RNLS: variants seen among roughly 807,000 people sequenced by gnomAD.
The protein encoded by RNLS is renalase.
In RNLS, 39 loss-of-function variants were observed where a neutral mutation model predicts 39.8. The observed-to-expected ratio is 0.98, with a 90% CI of 0.76 to 1.28. The LOEUF is 1.28. Ranked by LOEUF, RNLS falls within the 50% of genes most tolerant of loss-of-function variation. The pLI is 0.00. For missense variants in RNLS, 410 were observed against 413.3 expected (o/e 0.99, Z 0.07); for synonymous variants, 147 against 150.7 (o/e 0.98, Z 0.18).
intron 4 of RNLS, among the ~76,000 whole-genome samples, chr10:88,537,835 C>T (rs1210640802): frequency 6.6e-6 from 1 of 151,992 alleles, no homozygotes; most frequent in Non-Finnish European, 1.5e-5. Flanking sequence ...AAGATGTGTA[C>T]TTAATATGGT....
intron 5 of RNLS, among the ~76,000 whole-genome samples, chr10:88,346,932 T>G (rs1256879878): frequency 6.6e-6 from 1 of 152,172 alleles, no homozygotes; most frequent in Admixed American, 6.6e-5. Context: ...TTTAGACTGA[T>G]CTGAAGAGGA....
chr10:88,253,722 C>T, the RNLS span, among the ~76,000 whole-genome samples: 1 of 152,188 alleles, frequency 6.6e-6, no homozygotes, highest in African/African-American at 2.4e-5. Flanking sequence ...TCCAGGAAGA[C>T]AGGGTCTTAG....
chr10:88,471,967 C>G (rs1488614021), intron 4 of RNLS, among the ~76,000 whole-genome samples: 3 of 152,110 alleles, frequency 2.0e-5, no homozygotes, highest in Non-Finnish European at 4.4e-5. Flanking sequence ...AAAGTCTTCA[C>G]CATAAATCAC....
At chr10:88,365,538 C>T (rs1564734728) in intron 4 of RNLS, among the ~76,000 whole-genome samples, 2 of 146,190 alleles carry the variant, frequency 1.4e-5, no homozygotes, top group African/African-American at 2.7e-5. Context: ...CACACACACA[C>T]ACACACACAC....
At chr10:88,354,912 T>C (rs1308662928) in intron 5 of RNLS, among the ~76,000 whole-genome samples, 1 of 152,188 alleles carries the variant, frequency 6.6e-6, no homozygotes, top group African/African-American at 2.4e-5. Context: ...TTTGTTTGTT[T>C]CTATTTATTC....
chr10:88,343,506 C>CAT lies in RNLS; in HGVS notation c.700+19044_700+19045dup, dbSNP rs1024418555. ...GTGATGAACGTAAGTTTGATCTTAA[C>CAT]ATATATATATATTTTCCAAAAACAA... On this transcript the variant is annotated intron_variant, in intron 5 of 6. Transcript: ENST00000331772. The CAT allele has an allele frequency of 1.5e-4, 143 of 939,598 alleles. No individual in the cohort carries two copies. In the Middle Eastern group the frequency reaches 1.7e-3, roughly 11 times the overall value. 58.2% of individuals were successfully genotyped at this position (939,598 alleles called of 1,614,324 possible).
chr10:88,565,052 C>A (rs545437395), intron 4 of RNLS, among the ~76,000 whole-genome samples: 1 of 152,196 alleles, frequency 6.6e-6, no homozygotes, highest in African/African-American at 2.4e-5. Context: ...CGTGGCTGTT[C>A]ATAGTCTGTA....
chr10:88,444,156 T>A (rs367980232), intron 4 of RNLS, among the ~76,000 whole-genome samples: 4 of 152,236 alleles, frequency 2.6e-5, no homozygotes, highest in South Asian at 2.1e-4. Flanking sequence ...CAACATTTGC[T>A]GATCAGCAAT....
intron 4 of RNLS, among the ~76,000 whole-genome samples, chr10:88,505,996 C>G (rs1845768024): frequency 6.6e-6 from 1 of 152,126 alleles, no homozygotes; most frequent in Admixed American, 6.6e-5. Flanking sequence ...TGGGCTCCAA[C>G]ACAGACCCCA....
At chr10:88,254,900 A>G in the RNLS span, among the ~76,000 whole-genome samples, 2 of 152,250 alleles carry the variant, frequency 1.3e-5, no homozygotes, top group Non-Finnish European at 2.9e-5. Context: ...GGATGAATAG[A>G]GGGAAGAAAC....
intron 4 of RNLS, among the ~76,000 whole-genome samples, chr10:88,428,210 G>A (rs7909697): frequency 0.71 from 108,242 of 151,844 alleles, 39,878 homozygotes; most frequent in African/African-American, 0.91. Context: ...ATGTGCAAGT[G>A]TAACACTGAA....
At chr10:88,233,515 CA>C in the RNLS span, among the ~76,000 whole-genome samples, 19 of 152,198 alleles carry the variant, frequency 1.2e-4, no homozygotes, top group East Asian at 3.7e-3. Flanking sequence ...GTTTGCCTGA[CA>C]AAATAAAAGA....
intron 4 of RNLS, among the ~76,000 whole-genome samples, chr10:88,470,555 A>C (rs910181250): frequency 6.6e-6 from 1 of 152,148 alleles, no homozygotes; most frequent in African/African-American, 2.4e-5. Flanking sequence ...GCAAATGTAC[A>C]TATACACACA....
Position 88,274,989 on chromosome 10 carries a change from C to T in RNLS, c.920G>A (p.Trp307Ter). The T allele has an allele frequency of 6.2e-7, 1 of 1,613,498 alleles. No individual in the cohort carries two copies. ...GATGGGAAATCCAATCGCCATCATC[C>T]AGGGGCTCTTCGCACATCCTAGAAT... Residue 307 changes from tryptophan (W) to a stop codon, truncating the protein, a stop_gained, in exon 7 of 7, where the codon TGG becomes TAG. Coordinates refer to the RNLS transcript ENST00000371947. LOFTEE classifies it high-confidence loss of function.
At chr10:88,541,699 T>C (rs1287266674) in intron 4 of RNLS, among the ~76,000 whole-genome samples, 2 of 152,188 alleles carry the variant, frequency 1.3e-5, no homozygotes, top group Non-Finnish European at 2.9e-5. Context: ...TGGCTCCTTC[T>C]TTAGCCTTAA....
At chr10:88,530,269 C>T (rs1847340070) in intron 4 of RNLS, among the ~76,000 whole-genome samples, 1 of 152,180 alleles carries the variant, frequency 6.6e-6, no homozygotes. Context: ...CTGCACCTGG[C>T]ACATACCAAA....
chr10:88,359,326 C>A (rs201408627), intron 5 of RNLS, among the ~76,000 whole-genome samples: 69 of 143,328 alleles, frequency 4.8e-4, no homozygotes, highest in African/African-American at 1.7e-3. Context: ...AAAAAAAAAA[C>A]AAAAAAACTC....
intron 4 of RNLS, among the ~76,000 whole-genome samples, chr10:88,488,717 C>T (rs1370361732): frequency 6.6e-6 from 1 of 151,836 alleles, no homozygotes; most frequent in East Asian, 1.9e-4. Flanking sequence ...GCAAAAGTGC[C>T]AGAAGCCAAA....
the RNLS span, among the ~76,000 whole-genome samples, chr10:88,229,165 T>C: frequency 6.6e-6 from 1 of 152,212 alleles, no homozygotes; most frequent in African/African-American, 2.4e-5. Context: ...AACCTAACAA[T>C]TTCTATTAAT....
Sources: gnomAD v4.1 joint callset for allele counts (sites outside exome capture counted in the v4.1 genomes callset) on GRCh38, gnomAD v4.1.1 for gene constraint, MANE v1.5 for transcripts, NCBI Gene and HGNC (gene_info 2026-07-23, HGNC 2026-07-21) for gene names.